Variants in SMTNL1 observed in about 807,000 individuals in gnomAD.
SMTNL1 encodes the protein smoothelin-like protein 1.
A neutral mutation model predicts 46.6 loss-of-function variants in SMTNL1; 41 were observed. The ratio of observed to expected loss-of-function variants is 0.88; its 90% confidence interval spans 0.69 to 1.14. The LOEUF is 1.14. SMTNL1 is among the 50% of genes most tolerant of loss of function. The probability of loss-of-function intolerance (pLI) is 0.00; values close to 1 mark genes in which losing one functional copy is unlikely to be tolerated. For missense variants in SMTNL1, 591 were observed against 626.1 expected, an observed-to-expected ratio of 0.94 and a Z score of 0.60; for synonymous variants, 234 against 234.2, an observed-to-expected ratio of 1.00 and a Z score of 0.01.
intron 1 of SMTNL1, among the ~76,000 whole-genome samples, chr11:57,538,443 A>C (rs1944846092): frequency 6.6e-6 from 1 of 152,180 alleles, no homozygotes; most frequent in Non-Finnish European, 1.5e-5. Context: ...GGAAGGAAGG[A>C]GGAAGGAAAG....
At chr11:57,549,026 T>C (rs900715787) in intron 7 of SMTNL1, among the ~76,000 whole-genome samples, 16 of 149,136 alleles carry the variant, frequency 1.1e-4, no homozygotes, top group African/African-American at 3.7e-4. Flanking sequence ...ATCTTTTTTT[T>C]TTCTTTTTTT....
intron 1 of SMTNL1, among the ~76,000 whole-genome samples, chr11:57,538,358 A>G (rs1037060751): frequency 1.3e-5 from 2 of 152,184 alleles, no homozygotes; most frequent in African/African-American, 4.8e-5. Flanking sequence ...CAGAAGAAAC[A>G]GGAAGAGAGA....
At chr11:57,541,148 C>T (rs1944873572) in intron 1 of SMTNL1, among the ~76,000 whole-genome samples, 1 of 152,194 alleles carries the variant, frequency 6.6e-6, no homozygotes, top group African/African-American at 2.4e-5. Context: ...AATTCAGGAA[C>T]CCCAGGACTC....
rs755830089 is a variant in SMTNL1 at position 57,542,672 on chromosome 11, G to C, written c.30G>C (p.Glu10Asp). The C allele has an allele frequency of 1.2e-5, 20 of 1,612,234 alleles. No homozygotes were observed. Among genetic ancestry groups the C allele is most frequent in the Non-Finnish European group, 1.5e-5 (18 of 1,179,138 alleles). MEQKEGKLS[E>D]DGTTVSPAAD... The stretch of plus-strand genomic sequence containing the variant: ...AGCAGAAGGAAGGGAAGCTCTCTGA[G>C]GATGGGACCACCGTCTCCCCAGCTG... Residue 10 changes from glutamate to aspartate, a missense_variant, in exon 2 of 8, where the codon GAG becomes GAC. Coordinates refer to ENST00000527972, the MANE Select transcript of SMTNL1 (RefSeq NM_001105565.3).
At position 57,545,913 on chromosome 11, in the gene SMTNL1, C is replaced by A. The variant is rs1470835015; in HGVS notation, c.950C>A (p.Pro317His). The change falls in exon 5 of 8, where the codon CCC becomes CAC. Residue 317 changes from proline to histidine, a missense_variant. Physicochemically the swap from Pro to His is moderately conservative, Grantham distance 77. Coordinates refer to ENST00000527972, the MANE Select transcript of SMTNL1 (RefSeq NM_001105565.3). ...TCACCCAGCGACGTGCCCCAGAGTCCCCCTGAGTCCCCTTCCTCAGGGGAG... is the reference window on the plus strand; with the variant it reads ...TCACCCAGCGACGTGCCCCAGAGTCACCCTGAGTCCCCTTCCTCAGGGGAG... ...ESSPSDVPQS[P>H]PESPSSGEKK... 1 of 1,613,564 alleles carries A rather than the reference C, an allele frequency of 6.2e-7. No individual in the cohort carries two copies. Among genetic ancestry groups the A allele is most frequent in the Admixed American group, 1.7e-5 (1 of 59,936 alleles).
chr11:57,540,468 T>A (rs1944864342), intron 1 of SMTNL1, among the ~76,000 whole-genome samples: 1 of 152,182 alleles, frequency 6.6e-6, no homozygotes, highest in African/African-American at 2.4e-5. Flanking sequence ...GAGAATATCC[T>A]TTCTCCCAAC....
At chr11:57,543,955 C>T (rs779613899) in intron 4 of SMTNL1, 35 bp downstream of exon 4, 101 of 1,558,692 alleles carry the variant, frequency 6.5e-5, no homozygotes, top group Non-Finnish European at 8.4e-5. Flanking sequence ...GCTCCAATTC[C>T]CCCTACCTCC....
chr11:57,547,598 C>T (rs768815734), intron 7 of SMTNL1, among the ~76,000 whole-genome samples: 5 of 151,918 alleles, frequency 3.3e-5, no homozygotes, highest in Non-Finnish European at 7.4e-5. Context: ...CATTCCAGAA[C>T]TCTCCTCCGA....
At chr11:57,545,576 G>A (rs923756304) in intron 4 of SMTNL1, among the ~76,000 whole-genome samples, 1 of 149,792 alleles carries the variant, frequency 6.7e-6, no homozygotes, top group Non-Finnish European at 1.5e-5. Flanking sequence ...CTGCACTCCA[G>A]CCTGGGCAAC....
At chr11:57,545,819 TC>T in intron 4 of SMTNL1, 61 bp from the exon 5 acceptor site, 1 of 666,564 alleles carries the variant, frequency 1.5e-6, no homozygotes, top group Non-Finnish European at 2.4e-6. Context: ...CACAGCCCCC[TC>T]CCTGTGTCCT....
rs908338512 is a variant in SMTNL1 at position 57,543,286 on chromosome 11, C to G, written c.644C>G (p.Pro215Arg). Residue 215 changes from proline (P) to arginine (R), a missense_variant, in exon 2 of 8, where the codon CCC becomes CGC. Coordinates refer to ENST00000527972, the MANE Select transcript of SMTNL1 (RefSeq NM_001105565.3). ...GTGGAGGATGAGGCTAAGGCTGAAC[C>G]CAAGGAGCCCGATGGGAAAGAGGAG... ...AVVEDEAKAE[P>R]KEPDGKEEAK... 4.3e-6 allele frequency: 7 copies of G among 1,613,720 alleles called. No homozygotes were observed. The highest frequency in any genetic ancestry group is 5.9e-6 in the Non-Finnish European group (7 of 1,179,868).
intron 1 of SMTNL1, among the ~76,000 whole-genome samples, chr11:57,539,650 C>A (rs1944857798): frequency 6.6e-6 from 1 of 152,172 alleles, no homozygotes; most frequent in African/African-American, 2.4e-5. Flanking sequence ...GTTGCCCAGG[C>A]TGGAGTGTAG....
chr11:57,542,530 C>G, intron 1 of SMTNL1, 111 bp from the exon 2 acceptor site: 1 of 1,309,642 alleles, frequency 7.6e-7, no homozygotes, highest in Non-Finnish European at 1.0e-6. Flanking sequence ...AAGTAGGAGC[C>G]AAGACTGAAC....
At chr11:57,544,807 G>A (rs1349697762) in intron 4 of SMTNL1, among the ~76,000 whole-genome samples, 2 of 151,818 alleles carry the variant, frequency 1.3e-5, no homozygotes, top group Non-Finnish European at 2.9e-5. Flanking sequence ...GGATTATCTG[G>A]AGCTGAAATC....
rs753753864 is a variant in SMTNL1, at chr11:57,543,400, G to A, written c.732+26G>A. 3 of 1,604,422 alleles carry A rather than the reference G, an allele frequency of 1.9e-6. No individual in the cohort carries two copies. In the Admixed American group the frequency reaches 5.1e-5, roughly 27 times the overall value. On this transcript the variant is annotated intron_variant, in intron 2 of 7. Coordinates refer to ENST00000527972, the MANE Select transcript of SMTNL1 (RefSeq NM_001105565.3). ...GTGAGTGAGGCAGGAAAGGAGCAAG[G>A]AGGCTCTGTCGTCTCCTGCTTCTGG...
At chr11:57,538,644 T>C (rs146234520) in intron 1 of SMTNL1, among the ~76,000 whole-genome samples, 44 of 152,276 alleles carry the variant, frequency 2.9e-4, no homozygotes, top group African/African-American at 9.6e-4. Context: ...ATATTTGATG[T>C]GAGCTCTGGA....
At position 57,546,288 on chromosome 11, in the gene SMTNL1, A is replaced by C. The variant is rs373604640; in HGVS notation, c.1129A>C (p.Ile377Leu). 16 of 1,611,338 alleles carry C rather than the reference A, an allele frequency of 9.9e-6. No individual in the cohort carries two copies. Among genetic ancestry groups the C allele is most frequent in the Non-Finnish European group, 1.4e-5 (16 of 1,178,974 alleles). ...FRNTKAAGAA[I>L]GGVKNMLLEW... ...CAACACTAAGGCAGCCGGGGCAGCC[A>C]TTGGTGGTGTCAAGAACATGCTCTT... Residue 377 changes from isoleucine to leucine, a missense_variant, in exon 6 of 8, where the codon ATT (isoleucine) becomes CTT (leucine). Ile to Leu is a conservative substitution (Grantham distance 5, BLOSUM62 2). Transcript: ENST00000527972.
Position 57,546,524 on chromosome 11 carries a change from C to A in SMTNL1, c.1212C>A (p.Ser404=), listed in dbSNP as rs769111420. 4.4e-5 allele frequency: 71 copies of A among 1,614,104 alleles called. No individual in the cohort carries two copies. The highest frequency in any genetic ancestry group is 5.5e-5 in the Non-Finnish European group (65 of 1,180,032). ...KYEHVDIQNF[S]SSWSSGMAFC... ...AGCATGTGGACATCCAGAACTTCTC[C>A]TCCAGCTGGAGCAGTGGTATGGCCT... Residue 404 remains serine (S), a synonymous_variant, in exon 7 of 8, where the codon TCC becomes TCA. Transcript: ENST00000527972.
Position 57,542,933 on chromosome 11 carries a change from G to C in SMTNL1, c.291G>C (p.Glu97Asp). Residue 97 changes from glutamate (E) to aspartate (D), a missense_variant, in exon 2 of 8, where the codon GAG becomes GAC. Coordinates refer to ENST00000527972, the MANE Select transcript of SMTNL1 (RefSeq NM_001105565.3). The stretch of plus-strand genomic sequence containing the variant: ...ATGCTGAGGCTGAACTTAAAAAGGA[G>C]GATGGTGAGAAGGAAGAGACCACTG... Reference protein sequence around the residue: ...KEDAEAELKKEDGEKEETTVG... With the variant: ...KEDAEAELKKDDGEKEETTVG... 1 of 1,604,982 alleles carries C rather than the reference G, an allele frequency of 6.2e-7. No individual in the cohort carries two copies. Among genetic ancestry groups the C allele is most frequent in the Non-Finnish European group, 8.5e-7 (1 of 1,175,678 alleles).
Sources: allele counts gnomAD v4.1 joint callset (sites outside exome capture counted in the v4.1 genomes callset), GRCh38; gene constraint gnomAD v4.1.1; transcripts MANE v1.5; gene names NCBI Gene and HGNC (gene_info 2026-07-23, HGNC 2026-07-21).